Variants in NLGN1 observed in about 807,000 individuals in gnomAD.
NLGN1 encodes the protein neuroligin 1.
A neutral mutation model predicts 65.5 loss-of-function variants in NLGN1; 12 were observed. The observed-to-expected ratio is 0.18, with a 90% CI of 0.12 to 0.30. The LOEUF is 0.30. Ranked by LOEUF, NLGN1 falls within the 10% of genes least tolerant of loss-of-function variation. The pLI, the probability that NLGN1 is intolerant of heterozygous loss-of-function variation, is 1.00. For synonymous variants in NLGN1, 350 were observed against 359.5 expected (o/e 0.97, Z 0.30); for missense variants, 750 against 1,007.1 (o/e 0.74, Z 3.46).
At chr3:174,093,727 T>C (rs76497204) in intron 4 of NLGN1, among the ~76,000 whole-genome samples, 1,719 of 152,318 alleles carry the variant, frequency 0.011, 33 homozygotes, top group African/African-American at 0.039. Flanking sequence ...TATTTTCTGC[T>C]AGTTGGTGTA....
At chr3:173,973,382 A>G (rs1002034905) in intron 4 of NLGN1, among the ~76,000 whole-genome samples, 3 of 152,088 alleles carry the variant, frequency 2.0e-5, no homozygotes, top group African/African-American at 7.2e-5. Context: ...TTTCTGCACC[A>G]TCTTCAGCAG....
intron 3 of NLGN1, among the ~76,000 whole-genome samples, chr3:173,756,144 A>G (rs1161744214): frequency 1.9e-5 from 1 of 52,774 alleles, no homozygotes; most frequent in Non-Finnish European, 4.4e-5. Flanking sequence ...ACACAATCAC[A>G]TTTACACATT....
intron 4 of NLGN1, among the ~76,000 whole-genome samples, chr3:174,130,965 A>C (rs1196636316): frequency 6.6e-6 from 1 of 152,220 alleles, no homozygotes; most frequent in Non-Finnish European, 1.5e-5. Context: ...ACAGGGATAT[A>C]AACTTTTTTC....
intron 2 of NLGN1, among the ~76,000 whole-genome samples, chr3:173,478,338 T>G (rs1726618310): frequency 6.6e-6 from 1 of 151,764 alleles, no homozygotes; most frequent in African/African-American, 2.4e-5. Flanking sequence ...CCCTTATAAG[T>G]AGGGGCTGAA....
intron 4 of NLGN1, among the ~76,000 whole-genome samples, chr3:174,151,541 T>A (rs1435103135): frequency 6.6e-6 from 1 of 150,968 alleles, no homozygotes; most frequent in African/African-American, 2.5e-5. Flanking sequence ...TTATCTTTTT[T>A]AATAAAGTTC....
intron 4 of NLGN1, among the ~76,000 whole-genome samples, chr3:173,992,544 T>C (rs1345790275): frequency 2.0e-5 from 3 of 152,192 alleles, no homozygotes; most frequent in Admixed American, 6.6e-5. Flanking sequence ...GCCTTAAAAA[T>C]CAAACATAAA....
At chr3:174,212,068 G>T (rs1474000862) in intron 4 of NLGN1, among the ~76,000 whole-genome samples, 1 of 152,190 alleles carries the variant, frequency 6.6e-6, no homozygotes, top group Non-Finnish European at 1.5e-5. Flanking sequence ...ACCCACGGAG[G>T]CGGGGGAAGG....
At chr3:174,208,579 A>G (rs1307553718) in intron 4 of NLGN1, among the ~76,000 whole-genome samples, 1 of 152,032 alleles carries the variant, frequency 6.6e-6, no homozygotes, top group Non-Finnish European at 1.5e-5. Context: ...AGCTGGCCTA[A>G]GTAGCTTGTA....
intron 3 of NLGN1, among the ~76,000 whole-genome samples, chr3:173,643,668 G>T (rs1009440453): frequency 1.3e-5 from 2 of 152,146 alleles, no homozygotes; most frequent in African/African-American, 4.8e-5. Flanking sequence ...CTTTATTTGG[G>T]CATACTGGGG....
chr3:174,274,863 A>G (rs1750229489), intron 4 of NLGN1, among the ~76,000 whole-genome samples: 1 of 151,844 alleles, frequency 6.6e-6, no homozygotes, highest in African/African-American at 2.4e-5. Flanking sequence ...TGCTCTACAC[A>G]TGTCCATCCT....
At chr3:173,521,516 C>T (rs915795846) in intron 2 of NLGN1, among the ~76,000 whole-genome samples, 1 of 152,206 alleles carries the variant, frequency 6.6e-6, no homozygotes, top group Non-Finnish European at 1.5e-5. Context: ...AGAATCAGCA[C>T]TGTACTTATG....
chr3:173,504,333 T>A (rs942769012), intron 2 of NLGN1, among the ~76,000 whole-genome samples: 1 of 152,096 alleles, frequency 6.6e-6, no homozygotes, highest in Non-Finnish European at 1.5e-5. Flanking sequence ...ATGTATGTAA[T>A]GGAATACATT....
At chr3:174,257,025 AAT>A (rs1227900869) in intron 4 of NLGN1, among the ~76,000 whole-genome samples, 3 of 152,218 alleles carry the variant, frequency 2.0e-5, no homozygotes, top group Non-Finnish European at 4.4e-5. Flanking sequence ...ACAAAGGTCT[AAT>A]ATCCAACATC....
At chr3:174,158,572 G>A (rs1725905589) in intron 4 of NLGN1, among the ~76,000 whole-genome samples, 1 of 151,678 alleles carries the variant, frequency 6.6e-6, no homozygotes, top group Non-Finnish European at 1.5e-5. Context: ...TATAAATGCA[G>A]AATCTCAGAC....
chr3:174,178,129 C>T (rs1561225737), intron 4 of NLGN1, among the ~76,000 whole-genome samples: 1 of 152,054 alleles, frequency 6.6e-6, no homozygotes, highest in East Asian at 1.9e-4. Context: ...CAAAGTTTAA[C>T]TATTTAGAAG....
At chr3:174,088,104 A>G (rs1013363432) in intron 4 of NLGN1, among the ~76,000 whole-genome samples, 1 of 152,228 alleles carries the variant, frequency 6.6e-6, no homozygotes, top group Non-Finnish European at 1.5e-5. Context: ...ATATAAAATA[A>G]AGTAATATCA....
At chr3:173,529,898 G>T (rs890335009) in intron 2 of NLGN1, among the ~76,000 whole-genome samples, 5 of 152,104 alleles carry the variant, frequency 3.3e-5, no homozygotes, top group Admixed American at 6.5e-5. Flanking sequence ...TCAGGTGTCA[G>T]TGGTGTAGAA....
intron 4 of NLGN1, among the ~76,000 whole-genome samples, chr3:173,893,286 C>CT (rs1284060353): frequency 6.6e-6 from 1 of 152,124 alleles, no homozygotes; most frequent in African/African-American, 2.4e-5. Context: ...AAGAGCATAG[C>CT]TTTTGAAGTA....
chr3:173,537,483 A>T (rs1291487213), intron 2 of NLGN1, among the ~76,000 whole-genome samples: 1 of 149,004 alleles, frequency 6.7e-6, no homozygotes, highest in Non-Finnish European at 1.5e-5. Context: ...GTATTTGCTT[A>T]GTGTGTGTGT....
Sources: gnomAD v4.1 joint callset for allele counts (sites outside exome capture counted in the v4.1 genomes callset) on GRCh38, gnomAD v4.1.1 for gene constraint, MANE v1.5 for transcripts, NCBI Gene and HGNC (gene_info 2026-07-23, HGNC 2026-07-21) for gene names.